GYS2: variants seen among roughly 807,000 people sequenced by gnomAD.
The protein encoded by GYS2 is glycogen [starch] synthase, liver.
Under a neutral mutation model 85.6 loss-of-function variants are expected in GYS2, and 80 were observed. That is an observed-to-expected ratio of 0.93 (90% CI 0.78 to 1.13). The LOEUF (loss-of-function observed/expected upper bound fraction) is 1.13, where lower values mean the gene tolerates loss of function less well. Ranked by LOEUF, GYS2 falls within the 50% of genes most tolerant of loss-of-function variation. The probability of loss-of-function intolerance (pLI) is 0.00; values close to 1 mark genes in which losing one functional copy is unlikely to be tolerated. For missense variants in GYS2, 881 were observed against 854.9 expected (o/e 1.03, Z -0.38); for synonymous variants, 328 against 300.7 (o/e 1.09, Z -0.94).
chr12:21,568,126 C>G (rs1486369015), intron 5 of GYS2, among the ~76,000 whole-genome samples: 1 of 151,994 alleles, frequency 6.6e-6, no homozygotes, highest in Non-Finnish European at 1.5e-5. Context: ...CTAGTTCTCT[C>G]TCTCAGTCTG....
intron 15 of GYS2, among the ~76,000 whole-genome samples, chr12:21,537,840 A>T (rs10841842): frequency 0.68 from 103,673 of 151,974 alleles, 36,576 homozygotes; most frequent in East Asian, 0.78. Context: ...CAATGCCACT[A>T]AAGAAACCAG....
chr12:21,558,224 G>A lies in GYS2; in HGVS notation c.1398C>T (p.Phe466=). 6.2e-7 allele frequency: 1 copy of A among 1,611,736 alleles called. No individual in the cohort carries two copies. Among genetic ancestry groups the A allele is most frequent in the Non-Finnish European group, 8.5e-7 (1 of 1,177,832 alleles). The change falls in exon 11 of 16, where the codon TTC becomes TTT. Residue 466 remains phenylalanine, a synonymous_variant. Coordinates refer to ENST00000261195, the MANE Select transcript of GYS2 (RefSeq NM_021957.4). ...CCTTGACTCTATCTGTGCGGTTGTT[G>A]AAAAGTCCAATCCGTCTAATGGTGC... ...ILSTIRRIGL[F]NNRTDRVKVI... is the part of the protein sequence containing the mutation.
At chr12:21,557,425 G>T (rs978216944) in intron 11 of GYS2, among the ~76,000 whole-genome samples, 1 of 152,102 alleles carries the variant, frequency 6.6e-6, no homozygotes, top group East Asian at 1.9e-4. Flanking sequence ...CAAGTCAAAA[G>T]AATGAATTGC....
rs766822784 is a variant in GYS2, at chr12:21,560,375, T to C, written c.1169+11A>G. ...TTATTGCTAGAGAACATTCACAGGT[T>C]GTGAGATTACCACAGCTGTTTTCGC... On this transcript the variant is annotated intron_variant, in intron 8 of 15. Coordinates refer to ENST00000261195, the MANE Select transcript of GYS2 (RefSeq NM_021957.4). 1 of 1,395,904 alleles carries C rather than the reference T, an allele frequency of 7.2e-7. No individual in the cohort carries two copies. The allele number at this position is 1,395,904 out of a possible 1,614,324, so 86.5% of individuals were successfully genotyped here.
At position 21,601,953 on chromosome 12, in the gene GYS2, T is replaced by G. The variant is rs949575432; in HGVS notation, c.121+2519A>C. 3.3e-5 allele frequency among the ~76,000 whole-genome samples: 5 copies of G among 152,172 alleles called. 1 individual carries two copies. In the East Asian group the frequency reaches 7.7e-4, roughly 23 times the overall value. On this transcript the variant is annotated intron_variant, in intron 1 of 15. Transcript: ENST00000261195. The stretch of plus-strand genomic sequence containing the variant: ...GAGAATTAGTACCCAAAACTAACTG[T>G]GACTCTCTCATCTGTTATGTTTTTC...
chr12:21,575,952 C>T lies in GYS2; in HGVS notation c.409G>A (p.Ala137Thr), dbSNP rs1179811379. 2 of 1,613,664 alleles carry T rather than the reference C, an allele frequency of 1.2e-6. No individual in the cohort carries two copies. The highest frequency in any genetic ancestry group is 1.7e-6 in the Non-Finnish European group (2 of 1,179,720). ...TGATAAGGAATGCCGACACTGCATGCTTCCCAGAGGTCACCCTTCCACCTG... is the reference window on the plus strand; with the variant it reads ...TGATAAGGAATGCCGACACTGCATGTTTCCCAGAGGTCACCCTTCCACCTG... ...LDRWKGDLWE[A>T]CSVGIPYHDR... Residue 137 changes from alanine to threonine, a missense_variant, in exon 3 of 16, where the codon GCA (alanine) becomes ACA (threonine). By Grantham distance (58) the Ala-to-Thr change is moderately conservative. Coordinates refer to ENST00000261195, the MANE Select transcript of GYS2 (RefSeq NM_021957.4).
intron 5 of GYS2, among the ~76,000 whole-genome samples, chr12:21,568,060 A>G (rs1944343079): frequency 6.6e-6 from 1 of 151,862 alleles, no homozygotes; most frequent in Admixed American, 6.6e-5. Flanking sequence ...CAATGGAGCA[A>G]GACTCCATCT....
intron 7 of GYS2, among the ~76,000 whole-genome samples, chr12:21,560,796 G>T (rs745862166): frequency 1.2e-4 from 18 of 151,952 alleles, no homozygotes; most frequent in Non-Finnish European, 2.5e-4. Context: ...TGACCATCTA[G>T]AATAGATAAC....
chr12:21,575,943 C>G lies in GYS2; in HGVS notation c.418G>C (p.Val140Leu), dbSNP rs1944441105. The G allele has an allele frequency of 1.2e-6, 2 of 1,613,788 alleles. No individual in the cohort carries two copies. The highest frequency in any genetic ancestry group is 1.7e-5 in the Admixed American group (1 of 59,992). ...TCTCGGTCATGATAAGGAATGCCGA[C>G]ACTGCATGCTTCCCAGAGGTCACCC... Reference protein sequence around the residue: ...WKGDLWEACSVGIPYHDREAN... With the variant: ...WKGDLWEACSLGIPYHDREAN... Residue 140 changes from valine (V) to leucine (L), a missense_variant, in exon 3 of 16, where the codon GTC (valine) becomes CTC (leucine). Transcript: ENST00000261195.
At chr12:21,570,212 GC>G (rs1450540340) in intron 4 of GYS2, among the ~76,000 whole-genome samples, 1 of 152,228 alleles carries the variant, frequency 6.6e-6, no homozygotes, top group East Asian at 1.9e-4. Flanking sequence ...TATATGACAT[GC>G]TTGGATCAGC....
intron 1 of GYS2, among the ~76,000 whole-genome samples, chr12:21,597,306 G>T (rs1348512081): frequency 6.6e-6 from 1 of 152,000 alleles, no homozygotes; most frequent in East Asian, 1.9e-4. Context: ...GCATACATTT[G>T]ACAAGGAATT....
rs77506796 is a variant in GYS2, at chr12:21,553,506, T to A, written c.1422+4694A>T. On this transcript the variant is annotated intron_variant, in intron 11 of 15. Transcript: ENST00000261195. ...AGCAGCTGCTCCTAACTTACAGGAC[T>A]GGCAGAAACTGGTACCAGTGTGAAG... 2.6e-4 allele frequency among the ~76,000 whole-genome samples: 40 copies of A among 152,310 alleles called. 1 individual carries two copies. In the East Asian group the frequency reaches 7.2e-3, roughly 27 times the overall value.
chr12:21,534,008 C>G (rs1249610419), downstream of GYS2, among the ~76,000 whole-genome samples: 4 of 152,150 alleles, frequency 2.6e-5, no homozygotes, highest in African/African-American at 9.7e-5. Context: ...CATGAGGGCT[C>G]TGTCCACATG....
intron 11 of GYS2, among the ~76,000 whole-genome samples, chr12:21,552,613 A>G (rs1944126229): frequency 6.6e-6 from 1 of 152,176 alleles, no homozygotes; most frequent in African/African-American, 2.4e-5. Flanking sequence ...GGTGCTGTAC[A>G]TTTATTTTGT....
At chr12:21,546,195 C>T (rs1944037311) in intron 12 of GYS2, 149 bp downstream of exon 12, 3 of 534,524 alleles carry the variant, frequency 5.6e-6, no homozygotes, top group Non-Finnish European at 9.7e-6. Flanking sequence ...TAAATTAATC[C>T]CTGTGATAAA....
intron 3 of GYS2, 130 bp from the exon 4 acceptor site, chr12:21,574,456 C>T (rs1944422410): frequency 1.4e-6 from 1 of 698,206 alleles, no homozygotes; most frequent in Non-Finnish European, 2.5e-6. Flanking sequence ...AAACATAAAG[C>T]ATGAATATTT....
At chr12:21,550,292 A>C (rs1048382903) in intron 11 of GYS2, among the ~76,000 whole-genome samples, 25 of 146,156 alleles carry the variant, frequency 1.7e-4, no homozygotes, top group African/African-American at 6.1e-4. Context: ...ACTTCCCCCA[A>C]GTGCTCTGAG....
At position 21,542,553 on chromosome 12, in the gene GYS2, T is replaced by C; in HGVS notation, c.1588A>G (p.Asn530Asp). 1 of 1,613,734 alleles carries C rather than the reference T, an allele frequency of 6.2e-7. No homozygotes were observed. Among genetic ancestry groups the C allele is most frequent in the Non-Finnish European group, 8.5e-7 (1 of 1,179,714 alleles). ...ATGAAACAGCCAAACCCGGAGAGAT[T>C]CGTGGTCACACTGGGGATACCCATC... Reference protein sequence around the residue: ...TVMGIPSVTTNLSGFGCFMQE... With the variant: ...TVMGIPSVTTDLSGFGCFMQE... Residue 530 changes from asparagine to aspartate, a missense_variant, in exon 13 of 16, where the codon AAT (asparagine) becomes GAT (aspartate). By Grantham distance (23) the Asn-to-Asp change is conservative. Transcript: ENST00000261195.
At position 21,563,050 on chromosome 12, in the gene GYS2, C is replaced by T. The variant is rs367916210; in HGVS notation, c.942-12G>A. On this transcript the variant is annotated splice_polypyrimidine_tract_variant and intron_variant, in intron 6 of 15. Transcript: ENST00000261195. ...CAAAGTCGAGATGACTAAAACAAAA[C>T]AAAACCAAACAGTTTCAAATGAAAT... 83 of 1,593,330 alleles carry T rather than the reference C, an allele frequency of 5.2e-5. No individual in the cohort carries two copies. The highest frequency in any genetic ancestry group is 2.2e-4 in the South Asian group (20 of 90,702).
Sources: allele counts gnomAD v4.1 joint callset (sites outside exome capture counted in the v4.1 genomes callset), GRCh38; gene constraint gnomAD v4.1.1; transcripts MANE v1.5; gene names NCBI Gene and HGNC (gene_info 2026-07-23, HGNC 2026-07-21).